The following DDX1 variants were observed in gnomAD, a reference collection of about 807,000 sequenced individuals.
DDX1 encodes the protein ATP-dependent RNA helicase DDX1.
In DDX1, 28 loss-of-function variants were observed where a neutral mutation model predicts 108.7. The observed-to-expected ratio is 0.26, with a 90% CI of 0.19 to 0.35. The LOEUF is 0.35. Ranked by LOEUF, DDX1 falls within the 10% of genes least tolerant of loss-of-function variation. The pLI is 1.00. For missense variants in DDX1, 710 were observed against 884.5 expected, an observed-to-expected ratio of 0.80 and a Z score of 2.50; for synonymous variants, 295 against 288.9, an observed-to-expected ratio of 1.02 and a Z score of -0.21.
At position 15,630,075 on chromosome 2, in the gene DDX1, G is replaced by A. The variant is rs1558460887; in HGVS notation, c.2057G>A (p.Gly686Glu). 1.2e-6 allele frequency: 2 copies of A among 1,613,462 alleles called. No homozygotes were observed. The highest frequency in any genetic ancestry group is 2.2e-5 in the East Asian group (1 of 44,848). The change falls in exon 25 of 26, where the codon GGG becomes GAG. Residue 686 changes from glycine (G) to glutamate (E), a missense_variant. Coordinates refer to ENST00000233084, the MANE Select transcript of DDX1 (RefSeq NM_004939.3). ...AAGGTACCAGTGGATGAATTTGATG[G>A]GAAAGTTACCTACGGTCAGAAAAGG... Reference protein sequence around the residue: ...DIKVPVDEFDGKVTYGQKRAA... With the variant: ...DIKVPVDEFDEKVTYGQKRAA...
rs1218361018 is a variant in DDX1, at chr2:15,617,257, T to C, written c.1031T>C (p.Val344Ala). 1 of 1,584,938 alleles carries C rather than the reference T, an allele frequency of 6.3e-7. No homozygotes were observed. Among genetic ancestry groups the C allele is most frequent in the Non-Finnish European group, 8.6e-7 (1 of 1,161,844 alleles). ...GCTTTTTTTCAGGTAGATATAGTTG[T>C]AGGTACTCCGGGAAGACTAGATGAC... ...SVLENGVDIVVGTPGRLDDLV... is the reference protein window; with the variant it reads ...SVLENGVDIVAGTPGRLDDLV... The change falls in exon 15 of 26, where the codon GTA becomes GCA. Residue 344 changes from valine to alanine, a missense_variant. Transcript: ENST00000233084.
intron 13 of DDX1, among the ~76,000 whole-genome samples, chr2:15,607,804 T>C (rs1203682229): frequency 6.6e-6 from 1 of 152,164 alleles, no homozygotes; most frequent in Non-Finnish European, 1.5e-5. Context: ...ATCCTCCTGC[T>C]TCAGCCTCCC....
Position 15,628,503 on chromosome 2 carries a change from A to G in DDX1, c.1745A>G (p.His582Arg), listed in dbSNP as rs766697244. 2.5e-6 allele frequency: 4 copies of G among 1,613,152 alleles called. No individual in the cohort carries two copies. Among genetic ancestry groups the G allele is most frequent in the Non-Finnish European group, 2.5e-6 (3 of 1,179,226 alleles). Residue 582 changes from histidine (H) to arginine (R), a missense_variant, in exon 21 of 26, where the codon CAC (histidine) becomes CGC (arginine). This residue lies in a region of DDX1 where 661 missense variants were observed against 810.2 expected (regional missense o/e 0.82). Transcript: ENST00000233084. Reference sequence around the variant, plus strand: ...GTAGCTGCTAGAGGAATTGATATCCACGGTGTTCCTTATGGTAAAAAGCAA... The same window carrying G: ...GTAGCTGCTAGAGGAATTGATATCCGCGGTGTTCCTTATGGTAAAAAGCAA... ...TDVAARGIDI[H>R]GVPYVINVTL...
At chr2:15,618,984 G>A (rs1276043065) in intron 16 of DDX1, among the ~76,000 whole-genome samples, 3 of 152,206 alleles carry the variant, frequency 2.0e-5, no homozygotes, top group African/African-American at 4.8e-5. Context: ...AGACATCTCC[G>A]AACCTGTGGG....
chr2:15,609,651 A>C lies in DDX1; in HGVS notation c.956+2338A>C, dbSNP rs550034030. Reference sequence around the variant, plus strand: ...TCAACCCTACAGTGCTTTGCGTATAAGCATCAATTATCATGTGTATGTGTG... The same window carrying C: ...TCAACCCTACAGTGCTTTGCGTATACGCATCAATTATCATGTGTATGTGTG... On this transcript the variant is annotated intron_variant, in intron 13 of 25. Transcript: ENST00000233084. 2.0e-5 allele frequency among the ~76,000 whole-genome samples: 3 copies of C among 152,352 alleles called. No individual in the cohort carries two copies. The East Asian group carries it at 5.8e-4, about 29-fold the overall frequency.
chr2:15,618,370 T>A (rs1034590337), intron 16 of DDX1, 100 bp downstream of exon 16: 3 of 672,546 alleles, frequency 4.5e-6, no homozygotes, highest in Non-Finnish European at 8.0e-6. Flanking sequence ...TGGAAACCTC[T>A]GCGGCTAGTG....
chr2:15,606,382 A>T, intron 12 of DDX1, 118 bp downstream of exon 12: 1 of 658,956 alleles, frequency 1.5e-6, no homozygotes, highest in Non-Finnish European at 2.6e-6. Context: ...TTAGTCACAC[A>T]TCTTTTTTTA....
rs1666188968 is a variant in DDX1 at position 15,631,078 on chromosome 2, A to G, written c.*172A>G. Reference sequence around the variant, plus strand: ...GAATTCTTCAAAAAATGGCATCCCAATGAAAATAAATTTGATGACTATATT... The same window carrying G: ...GAATTCTTCAAAAAATGGCATCCCAGTGAAAATAAATTTGATGACTATATT... On this transcript the variant is annotated 3_prime_UTR_variant, in exon 26 of 26. Transcript: ENST00000233084. The G allele has an allele frequency of 9.8e-6, 5 of 511,916 alleles. No homozygotes were observed. Among genetic ancestry groups the G allele is most frequent in the Admixed American group, 7.2e-5 (2 of 27,644 alleles). The allele number at this position is 511,916 out of a possible 1,614,324, so 31.7% of individuals were successfully genotyped here.
chr2:15,603,757 G>A (rs550402553), intron 8 of DDX1, 57 bp from the exon 9 acceptor site: 3 of 1,119,394 alleles, frequency 2.7e-6, no homozygotes, highest in East Asian at 5.1e-5. Flanking sequence ...TTCTTTTAGA[G>A]GTCTTTTAAT....
At chr2:15,592,173 C>T (rs901732820) in intron 1 of DDX1, among the ~76,000 whole-genome samples, 3 of 152,248 alleles carry the variant, frequency 2.0e-5, no homozygotes, top group Admixed American at 6.5e-5. Flanking sequence ...CGTCCCTCCC[C>T]CTGCCCTTTC....
At position 15,604,528 on chromosome 2, in the gene DDX1, T is replaced by A. The variant is rs777100283; in HGVS notation, c.625+19T>A. On this transcript the variant is annotated intron_variant, in intron 10 of 25. Coordinates refer to ENST00000233084, the MANE Select transcript of DDX1 (RefSeq NM_004939.3). ...AAAAATGGTAAGCTCTATATGGATCTTAGTAGTGAAAAGATACATGATATT... is the reference window on the plus strand; with the variant it reads ...AAAAATGGTAAGCTCTATATGGATCATAGTAGTGAAAAGATACATGATATT... 3 of 1,485,952 alleles carry A rather than the reference T, an allele frequency of 2.0e-6. No individual in the cohort carries two copies. The East Asian group carries it at 6.8e-5, about 34-fold the overall frequency. The allele number at this position is 1,485,952 out of a possible 1,614,324, so 92.0% of individuals were successfully genotyped here.
At position 15,629,991 on chromosome 2, in the gene DDX1, T is replaced by C; in HGVS notation, c.1973T>C (p.Leu658Ser). 1 of 1,592,308 alleles carries C rather than the reference T, an allele frequency of 6.3e-7. No individual in the cohort carries two copies. Among genetic ancestry groups the C allele is most frequent in the Non-Finnish European group, 8.5e-7 (1 of 1,173,326 alleles). ...GCTIWYNEMQ[L>S]LSEIEEHLNC... ...GGAAATTTTCTCTCCATTACTTAGT[T>C]ACTATCTGAGATAGAAGAACACCTG... Residue 658 changes from leucine (L) to serine (S), a missense_variant and splice_region_variant, in exon 25 of 26, where the codon TTA (leucine) becomes TCA (serine). Physicochemically the swap from Leu to Ser is moderately radical, Grantham distance 145. Around this residue, in one of 3 missense-constraint regions of DDX1, gnomAD observed 661 missense variants for 810.2 expected, o/e 0.82. Transcript: ENST00000233084.
intron 19 of DDX1, among the ~76,000 whole-genome samples, 178 bp from the exon 20 acceptor site, chr2:15,626,876 C>A (rs1406378439): frequency 2.6e-5 from 4 of 152,128 alleles, no homozygotes; most frequent in Non-Finnish European, 4.4e-5. Context: ...CCGTAGAGTT[C>A]ATTTTAATGG....
chr2:15,618,386 C>T, intron 16 of DDX1, 116 bp downstream of exon 16: 1 of 624,422 alleles, frequency 1.6e-6, no homozygotes, highest in Non-Finnish European at 2.9e-6. Context: ...TAGTGATGCC[C>T]TTGCCCGGGT....
At chr2:15,594,205 T>C (rs948111558) in intron 1 of DDX1, among the ~76,000 whole-genome samples, 1 of 152,234 alleles carries the variant, frequency 6.6e-6, no homozygotes, top group Non-Finnish European at 1.5e-5. Flanking sequence ...AGTTTGTATG[T>C]TTGCTTTATG....
intron 10 of DDX1, 131 bp downstream of exon 10, chr2:15,604,640 T>C (rs1449726327): frequency 1.5e-6 from 1 of 647,798 alleles, no homozygotes; most frequent in Non-Finnish European, 2.8e-6. Flanking sequence ...CTAATATTTA[T>C]TGAGCATTGA....
At position 15,603,286 on chromosome 2, in the gene DDX1, C is replaced by G. The variant is rs776655535; in HGVS notation, c.475+11C>G. The G allele has an allele frequency of 3.2e-6, 5 of 1,545,488 alleles. No individual in the cohort carries two copies. In the East Asian group the frequency reaches 1.1e-4, roughly 35 times the overall value. On this transcript the variant is annotated intron_variant, in intron 8 of 25. Transcript: ENST00000233084. ...CCTCTTTGGACCTAGGTAAGTGTTTCTAAAATAACTGAATTGATTGATTTA... is the reference window on the plus strand; with the variant it reads ...CCTCTTTGGACCTAGGTAAGTGTTTGTAAAATAACTGAATTGATTGATTTA...
rs1375137579 is a variant in DDX1 at position 15,594,081 on chromosome 2, AAAAC to A, written c.17-1060_17-1057del. 6.6e-5 allele frequency among the ~76,000 whole-genome samples: 10 copies of A among 152,116 alleles called. No individual in the cohort carries two copies. The South Asian group carries it at 1.2e-3, about 19-fold the overall frequency. ...TGACAGAGTGAGACTGTCTCAAAAAAAAACAAAAGAAAAGAAAAAAAAGAAAAAG... is the reference window on the plus strand; with the variant it reads ...TGACAGAGTGAGACTGTCTCAAAAAAAAAAGAAAAGAAAAAAAAGAAAAAG... On this transcript the variant is annotated intron_variant, in intron 1 of 25. Transcript: ENST00000233084.
chr2:15,621,223 T>C (rs1270202858), intron 18 of DDX1, 107 bp downstream of exon 18: 21 of 764,928 alleles, frequency 2.7e-5, no homozygotes, highest in Non-Finnish European at 4.6e-5. Flanking sequence ...AACAGGAAAT[T>C]TGGAAATAAA....
Sources: allele counts gnomAD v4.1 joint callset (sites outside exome capture counted in the v4.1 genomes callset), GRCh38; gene constraint gnomAD v4.1.1; regional missense constraint gnomAD v4.1.1; transcripts MANE v1.5; gene names NCBI Gene and HGNC (gene_info 2026-07-23, HGNC 2026-07-21).